Variants in CDH17 observed in about 807,000 individuals in gnomAD.
CDH17 encodes cadherin-17.
Under a neutral mutation model 86.3 loss-of-function variants are expected in CDH17, and 67 were observed. That is an observed-to-expected ratio of 0.78 (90% CI 0.64 to 0.95). CDH17 has a LOEUF of 0.95. Among genes scored for constraint, CDH17 ranks in the 40% least tolerant of loss-of-function variants. The pLI, the probability that CDH17 is intolerant of heterozygous loss-of-function variation, is 0.00. For missense variants in CDH17, 993 were observed against 1,017.6 expected, an observed-to-expected ratio of 0.98 and a Z score of 0.33; for synonymous variants, 367 against 366.4, an observed-to-expected ratio of 1.00 and a Z score of -0.02.
chr8:94,181,386 A>G (rs997155778), intron 3 of CDH17, among the ~76,000 whole-genome samples: 17 of 152,148 alleles, frequency 1.1e-4, no homozygotes, highest in African/African-American at 3.4e-4. Context: ...AACATTCTCC[A>G]GGAGAGGTTA....
intron 15 of CDH17, among the ~76,000 whole-genome samples, chr8:94,145,620 C>T (rs927637864): frequency 2.0e-5 from 3 of 152,066 alleles, no homozygotes; most frequent in African/African-American, 4.8e-5. Context: ...ATATCTATCT[C>T]AAAGTTTTAA....
At chr8:94,185,769 A>G (rs1813567134) in intron 3 of CDH17, among the ~76,000 whole-genome samples, 1 of 152,178 alleles carries the variant, frequency 6.6e-6, no homozygotes, top group African/African-American at 2.4e-5. Flanking sequence ...TGCCTTTTCT[A>G]GGAAAATTAT....
At chr8:94,130,208 C>A (rs1346297161) in intron 17 of CDH17, among the ~76,000 whole-genome samples, 2 of 152,192 alleles carry the variant, frequency 1.3e-5, no homozygotes, top group Non-Finnish European at 2.9e-5. Flanking sequence ...AGCATCGCCA[C>A]TGGAAGGCTA....
chr8:94,176,009 C>T (rs910068513), intron 5 of CDH17, among the ~76,000 whole-genome samples: 1 of 152,152 alleles, frequency 6.6e-6, no homozygotes, highest in Non-Finnish European at 1.5e-5. Context: ...CCACCTCAGC[C>T]TCCCAAGTAG....
chr8:94,178,874 ATTTTGTG>A (rs925785334), intron 3 of CDH17, among the ~76,000 whole-genome samples: 1 of 152,008 alleles, frequency 6.6e-6, no homozygotes, highest in Non-Finnish European at 1.5e-5. Context: ...ACATGTTGCT[ATTTTGTG>A]TTTTCAGAAA....
chr8:94,174,645 G>C (rs952633565), intron 5 of CDH17, among the ~76,000 whole-genome samples: 4 of 152,174 alleles, frequency 2.6e-5, no homozygotes, highest in African/African-American at 7.2e-5. Context: ...TTTGGGTATA[G>C]TACTAAAGAA....
rs116581134 is a variant in CDH17 at position 94,205,428 on chromosome 8, T to C, written c.-21+3055A>G. ...TAAATTAGGTTCCATCCCATAGGATTTAGACACTGAAGGATCGAAAGAAAG... is the reference window on the plus strand; with the variant it reads ...TAAATTAGGTTCCATCCCATAGGATCTAGACACTGAAGGATCGAAAGAAAG... On this transcript the variant is annotated intron_variant, in intron 1 of 17. Transcript: ENST00000027335. Among the ~76,000 whole-genome samples, 429 of 152,260 alleles carry C rather than the reference T, an allele frequency of 2.8e-3. 1 individual carries two copies. The highest frequency in any genetic ancestry group is 9.8e-3 in the African/African-American group (406 of 41,558).
chr8:94,171,732 T>C (rs1242936958), intron 7 of CDH17, among the ~76,000 whole-genome samples: 2 of 152,182 alleles, frequency 1.3e-5, no homozygotes, highest in Non-Finnish European at 2.9e-5. Flanking sequence ...TTATCTCTAT[T>C]TTATAATGAA....
chr8:94,189,775 T>C (rs1178370359), intron 2 of CDH17, among the ~76,000 whole-genome samples: 3 of 152,222 alleles, frequency 2.0e-5, no homozygotes, highest in Non-Finnish European at 4.4e-5. Flanking sequence ...AAAGAAAATA[T>C]AGACGTATTT....
chr8:94,153,501 C>T (rs1202477214), intron 12 of CDH17, among the ~76,000 whole-genome samples: 1 of 152,160 alleles, frequency 6.6e-6, no homozygotes, highest in Non-Finnish European at 1.5e-5. Context: ...CCAGAAATCC[C>T]ACTACTGGGT....
chr8:94,167,745 A>G (rs1386226475), intron 9 of CDH17, among the ~76,000 whole-genome samples: 1 of 152,086 alleles, frequency 6.6e-6, no homozygotes, highest in Non-Finnish European at 1.5e-5. Flanking sequence ...TCTCACTCAC[A>G]GGAAACCTCC....
chr8:94,177,580 A>C lies in CDH17; in HGVS notation c.285+7T>G. 4 of 1,613,658 alleles carry C rather than the reference A, an allele frequency of 2.5e-6. No homozygotes were observed. The highest frequency in any genetic ancestry group is 3.4e-6 in the Non-Finnish European group (4 of 1,179,702). On this transcript the variant is annotated splice_region_variant and intron_variant, in intron 4 of 17. Coordinates refer to ENST00000027335, the MANE Select transcript of CDH17 (RefSeq NM_004063.4). ...GAGTTAGATCCCTTCAGCTGGTATC[A>C]ATTTACCTGGAGATTGTGAGTAGAT...
chr8:94,150,478 G>A (rs1271188962), intron 13 of CDH17, among the ~76,000 whole-genome samples: 1 of 152,190 alleles, frequency 6.6e-6, no homozygotes, highest in African/African-American at 2.4e-5. Context: ...TGTGGAGCTG[G>A]AGAATTAAAT....
At chr8:94,211,323 T>A (rs1434444229), upstream of CDH17, among the ~76,000 whole-genome samples, 1 of 152,154 alleles carries the variant, frequency 6.6e-6, no homozygotes. Flanking sequence ...TTTATTTTAT[T>A]TATTTTTTGA....
intron 9 of CDH17, 59 bp downstream of exon 9, chr8:94,170,338 C>T: frequency 6.4e-7 from 1 of 1,562,942 alleles, no homozygotes; most frequent in Non-Finnish European, 8.7e-7. Context: ...CACCTTTTAC[C>T]CAGCAGAGGA....
intron 3 of CDH17, among the ~76,000 whole-genome samples, chr8:94,180,133 C>T (rs533341232): frequency 1.3e-5 from 2 of 151,646 alleles, no homozygotes; most frequent in East Asian, 3.9e-4. Flanking sequence ...CTACAGTTGA[C>T]AAGGATGATA....
Position 94,177,461 on chromosome 8 carries a change from G to A in CDH17, c.285+126C>T, listed in dbSNP as rs527247281. The A allele has an allele frequency of 1.9e-4, 176 of 933,228 alleles. No homozygotes were observed. The East Asian group carries it at 2.7e-3, about 14-fold the overall frequency. 57.8% of individuals were successfully genotyped at this position (933,228 alleles called of 1,614,324 possible). On this transcript the variant is annotated intron_variant, in intron 4 of 17. Coordinates refer to ENST00000027335, the MANE Select transcript of CDH17 (RefSeq NM_004063.4). ...AATGGACATGTGAGGATTGCAAAGC[G>A]TCCCATTAATGTAAGGAAAGCTGTA...
chr8:94,156,734 T>C (rs555623886), intron 12 of CDH17, among the ~76,000 whole-genome samples: 31 of 152,310 alleles, frequency 2.0e-4, no homozygotes, highest in African/African-American at 7.5e-4. Flanking sequence ...AGCATACCTG[T>C]CCGCAGGTAG....
chr8:94,178,951 A>G (rs1309917775), intron 3 of CDH17, among the ~76,000 whole-genome samples: 1 of 152,096 alleles, frequency 6.6e-6, no homozygotes, highest in Non-Finnish European at 1.5e-5. Flanking sequence ...GCTCCTCCAT[A>G]AAAGCAATGA....
Sources: allele counts gnomAD v4.1 joint callset (sites outside exome capture counted in the v4.1 genomes callset), GRCh38; gene constraint gnomAD v4.1.1; transcripts MANE v1.5; gene names NCBI Gene and HGNC (gene_info 2026-07-23, HGNC 2026-07-21).